Variants in RBFOX1 observed in about 807,000 individuals in gnomAD.
RBFOX1 encodes RNA binding protein fox-1 homolog 1.
A neutral mutation model predicts 57.7 loss-of-function variants in RBFOX1; 8 were observed. The observed-to-expected ratio is 0.14, with a 90% confidence interval of 0.08 to 0.25. The LOEUF is 0.25. RBFOX1 is among the 10% of genes least tolerant of loss of function. The pLI is 1.00. For synonymous variants in RBFOX1, 326 were observed against 222.4 expected, an observed-to-expected ratio of 1.47 and a Z score of -4.15; for missense variants, 611 against 548.5, an observed-to-expected ratio of 1.11 and a Z score of -1.14.
chr16:6,992,409 G>T (rs1400160792), intron 3 of RBFOX1, among the ~76,000 whole-genome samples: 2 of 151,970 alleles, frequency 1.3e-5, no homozygotes, highest in Non-Finnish European at 2.9e-5. Context: ...GTAGAGACGG[G>T]GTTTCACCAT....
intron 2 of RBFOX1, among the ~76,000 whole-genome samples, chr16:5,582,719 G>C (rs114795888): frequency 6.6e-6 from 1 of 152,038 alleles, no homozygotes; most frequent in East Asian, 1.9e-4. Context: ...CCCACGCTCG[G>C]CTAATCAAAG....
At chr16:5,550,783 A>G (rs1184136590) in intron 2 of RBFOX1, among the ~76,000 whole-genome samples, 18 of 152,232 alleles carry the variant, frequency 1.2e-4, no homozygotes, top group Admixed American at 1.2e-3. Flanking sequence ...AGCAATAACA[A>G]TAACAATTCA....
intron 4 of RBFOX1, among the ~76,000 whole-genome samples, chr16:7,368,834 G>A (rs760369686): frequency 2.6e-5 from 4 of 151,876 alleles, no homozygotes; most frequent in Non-Finnish European, 5.9e-5. Context: ...TACAGTTTAG[G>A]GAATTAATGG....
chr16:7,654,248 T>C (rs1027862445), intron 12 of RBFOX1, among the ~76,000 whole-genome samples: 4 of 152,242 alleles, frequency 2.6e-5, no homozygotes, highest in African/African-American at 9.6e-5. Flanking sequence ...GCCAAAGATG[T>C]ATTTCTGATG....
Position 6,640,586 on chromosome 16 carries a change from C to T in RBFOX1, c.-63-14017C>T, listed in dbSNP as rs190314198. 5.1e-3 allele frequency among the ~76,000 whole-genome samples: 772 copies of T among 151,866 alleles called. 7 individuals carry two copies. The highest frequency in any genetic ancestry group is 0.017 in the African/African-American group (704 of 41,322). Reference sequence around the variant, plus strand: ...TCATGCCACTGCACTCCAGCCTCAGCGACAGAGTAAGACTCCATTGCCAAA... The same window carrying T: ...TCATGCCACTGCACTCCAGCCTCAGTGACAGAGTAAGACTCCATTGCCAAA... On this transcript the variant is annotated intron_variant, in intron 2 of 15. Transcript: ENST00000550418.
At chr16:7,364,851 C>G (rs1236360569) in intron 4 of RBFOX1, among the ~76,000 whole-genome samples, 2 of 152,126 alleles carry the variant, frequency 1.3e-5, no homozygotes, top group Non-Finnish European at 2.9e-5. Context: ...TGCTTACTAA[C>G]AAGGAAGAGA....
intron 4 of RBFOX1, among the ~76,000 whole-genome samples, chr16:7,275,920 C>G (rs772622578): frequency 6.6e-6 from 1 of 152,118 alleles, no homozygotes. Context: ...TTGCTGACTC[C>G]CCTTAGAAGT....
intron 4 of RBFOX1, among the ~76,000 whole-genome samples, chr16:5,922,120 C>G (rs1034545522): frequency 6.6e-6 from 1 of 152,120 alleles, no homozygotes; most frequent in Admixed American, 6.5e-5. Flanking sequence ...CTGATCGCAC[C>G]ACTGCATTCC....
chr16:7,632,226 T>A (rs1444423219), intron 11 of RBFOX1, among the ~76,000 whole-genome samples: 8 of 152,198 alleles, frequency 5.3e-5, no homozygotes, highest in Admixed American at 1.3e-4. Context: ...TAATCTTTAA[T>A]GGCAATTTTG....
At chr16:5,965,949 A>G (rs542022307) in intron 4 of RBFOX1, among the ~76,000 whole-genome samples, 2 of 152,158 alleles carry the variant, frequency 1.3e-5, no homozygotes, top group Non-Finnish European at 2.9e-5. Flanking sequence ...GATGTTATCC[A>G]CCTGGCTGTG....
At chr16:6,618,539 C>A (rs941603268) in intron 2 of RBFOX1, among the ~76,000 whole-genome samples, 1 of 152,148 alleles carries the variant, frequency 6.6e-6, no homozygotes, top group East Asian at 1.9e-4. Context: ...TTATAATCCT[C>A]ATAAAAGTCT....
rs745720655 is a variant in RBFOX1 at position 6,157,296 on chromosome 16, ACCATTT to A, written c.-127+137305_-127+137310del. Reference sequence around the variant, plus strand: ...ACAGGTGGCCAAGGTAAGCCCAGAAACCATTTGCCCTACTTCTCTGGGCAAATGGTT... The same window carrying A: ...ACAGGTGGCCAAGGTAAGCCCAGAAAGCCCTACTTCTCTGGGCAAATGGTT... On this transcript the variant is annotated intron_variant, in intron 1 of 15. Transcript: ENST00000550418. 2.4e-3 allele frequency among the ~76,000 whole-genome samples: 359 copies of A among 152,212 alleles called. 1 individual carries two copies. The highest frequency in any genetic ancestry group is 3.7e-3 in the Admixed American group (56 of 15,282).
At chr16:7,041,987 T>A (rs75203548) in intron 3 of RBFOX1, among the ~76,000 whole-genome samples, 14,301 of 152,146 alleles carry the variant, frequency 0.094, 1,090 homozygotes, top group East Asian at 0.32. Flanking sequence ...TAGGAGATGT[T>A]CAAGGACTGG....
At chr16:5,794,782 C>G (rs2054820410) in intron 3 of RBFOX1, among the ~76,000 whole-genome samples, 1 of 152,144 alleles carries the variant, frequency 6.6e-6, no homozygotes, top group Non-Finnish European at 1.5e-5. Context: ...TAATTAACTC[C>G]TGACTGCTAA....
At chr16:5,324,773 A>T (rs139552505) in intron 1 of RBFOX1, among the ~76,000 whole-genome samples, 120 of 152,330 alleles carry the variant, frequency 7.9e-4, no homozygotes, top group African/African-American at 2.8e-3. Flanking sequence ...ACGGACACAT[A>T]GAGGGGAACA....
chr16:5,564,597 C>T (rs940023398), intron 2 of RBFOX1, among the ~76,000 whole-genome samples: 1 of 152,100 alleles, frequency 6.6e-6, no homozygotes, highest in Non-Finnish European at 1.5e-5. Flanking sequence ...TCTGTGTGGT[C>T]TTTGGAGCTG....
chr16:7,373,984 A>G (rs763134301), intron 4 of RBFOX1, among the ~76,000 whole-genome samples: 4 of 152,242 alleles, frequency 2.6e-5, no homozygotes, highest in Non-Finnish European at 5.9e-5. Context: ...GGGAATTGTC[A>G]TAAATGATAT....
chr16:6,608,694 T>A (rs909700098), intron 2 of RBFOX1, among the ~76,000 whole-genome samples: 7 of 152,106 alleles, frequency 4.6e-5, no homozygotes, highest in Non-Finnish European at 7.4e-5. Flanking sequence ...ATGACTTGGG[T>A]CCAGGAGTTT....
intron 1 of RBFOX1, among the ~76,000 whole-genome samples, chr16:5,465,887 G>T (rs2151607188): frequency 6.6e-6 from 1 of 152,136 alleles, no homozygotes; most frequent in East Asian, 1.9e-4. Flanking sequence ...CTGAGACCTT[G>T]GGCAGCAGAG....
Sources: gnomAD v4.1 joint callset for allele counts (sites outside exome capture counted in the v4.1 genomes callset) on GRCh38, gnomAD v4.1.1 for gene constraint, MANE v1.5 for transcripts, NCBI Gene and HGNC (gene_info 2026-07-23, HGNC 2026-07-21) for gene names.